Variants in ITCH observed in about 807,000 individuals in gnomAD.
ITCH encodes itchy E3 ubiquitin protein ligase, also known as E3 ubiquitin-protein ligase Itchy homolog.
A neutral mutation model predicts 126.8 loss-of-function variants in ITCH; 28 were observed. The observed-to-expected ratio is 0.22, with a 90% CI of 0.16 to 0.30. ITCH has a LOEUF of 0.30. Ranked by LOEUF, ITCH falls within the 10% of genes least tolerant of loss-of-function variation. The pLI is 1.00. For synonymous variants in ITCH, 342 were observed against 340.0 expected (o/e 1.01, Z -0.06); for missense variants, 631 against 1,032.4 (o/e 0.61, Z 5.33).
chr20:34,409,816 C>T (rs1978724109), intron 4 of ITCH, among the ~76,000 whole-genome samples: 1 of 152,030 alleles, frequency 6.6e-6, no homozygotes, highest in Non-Finnish European at 1.5e-5. Context: ...GCATTATAAT[C>T]TAAGATATTG....
chr20:34,494,339 T>C (rs1989718053), intron 23 of ITCH, among the ~76,000 whole-genome samples: 1 of 152,134 alleles, frequency 6.6e-6, no homozygotes, highest in African/African-American at 2.4e-5. Context: ...AGAAGGAATT[T>C]TTTTCTTCAG....
chr20:34,492,273 A>G (rs960617804), intron 22 of ITCH, among the ~76,000 whole-genome samples: 1 of 152,156 alleles, frequency 6.6e-6, no homozygotes, highest in African/African-American at 2.4e-5. Context: ...GCTTGCTCCT[A>G]TAGTCCCAGC....
In ITCH at chr20:34,455,770, G is replaced by A. The variant is rs372938494; in HGVS notation, c.1211-1620G>A. The stretch of plus-strand genomic sequence containing the variant: ...TAGAATTACAGGCATGAGCTACTGC[G>A]CCCGGCCAATATCCACATCTTCTAA... On this transcript the variant is annotated intron_variant, in intron 12 of 24. Coordinates refer to ENST00000374864, the MANE Select transcript of ITCH (RefSeq NM_031483.7). Among the ~76,000 whole-genome samples the A allele has an allele frequency of 2.6e-5, 4 of 151,828 alleles. No individual in the cohort carries two copies. The East Asian group carries it at 7.7e-4, about 29-fold the overall frequency.
At chr20:34,471,674 GT>G (rs1245476380) in intron 16 of ITCH, among the ~76,000 whole-genome samples, 159 bp downstream of exon 16, 2 of 11,354 alleles carry the variant, frequency 1.8e-4, no homozygotes, top group Admixed American at 3.9e-4. Context: ...GGCTTAAGGG[GT>G]GTGTGTGTGT....
chr20:34,417,400 C>CTT (rs1285064114), intron 6 of ITCH, among the ~76,000 whole-genome samples: 13 of 115,050 alleles, frequency 1.1e-4, no homozygotes, highest in African/African-American at 1.3e-4. Flanking sequence ...GCCCGGCTGA[C>CTT]TTTTTTTTTT....
At chr20:34,424,820 T>C (rs1981277259) in intron 7 of ITCH, among the ~76,000 whole-genome samples, 1 of 152,210 alleles carries the variant, frequency 6.6e-6, no homozygotes, top group Admixed American at 6.5e-5. Context: ...ATCATTGGGC[T>C]GTTAAGTTTC....
At chr20:34,415,381 A>G (rs961035225) in intron 6 of ITCH, among the ~76,000 whole-genome samples, 1 of 151,894 alleles carries the variant, frequency 6.6e-6, no homozygotes, top group Admixed American at 6.6e-5. Context: ...CAACATAACA[A>G]AACCCCATCT....
chr20:34,371,182 A>C (rs1391832511), intron 2 of ITCH, among the ~76,000 whole-genome samples: 2 of 151,750 alleles, frequency 1.3e-5, no homozygotes, highest in African/African-American at 4.8e-5. Flanking sequence ...AAAAAAAAAA[A>C]AAAACTGAAT....
chr20:34,424,725 A>ACG lies in ITCH; in HGVS notation c.521+201_521+202insGC, dbSNP rs1981263912. ...AGCTATCTGGAGTGGGCTAGGGATA[A>ACG]CCAAATTGTTGATACTTCTTCAGCT... is the stretch of plus-strand genomic sequence containing the variant. On this transcript the variant is annotated intron_variant, in intron 7 of 24. Coordinates refer to ENST00000374864, the MANE Select transcript of ITCH (RefSeq NM_031483.7). Among the ~76,000 whole-genome samples the ACG allele has an allele frequency of 2.0e-5, 3 of 151,748 alleles. No individual in the cohort carries two copies. The South Asian group carries it at 6.2e-4, about 31-fold the overall frequency.
At chr20:34,365,042 A>T (rs1728060737) in intron 1 of ITCH, among the ~76,000 whole-genome samples, 1 of 152,042 alleles carries the variant, frequency 6.6e-6, no homozygotes, top group Admixed American at 6.6e-5. Flanking sequence ...TCTACAAAAA[A>T]TACAAAGATT....
chr20:34,442,368 T>A (rs1438322934), intron 10 of ITCH, 65 bp downstream of exon 10: 1 of 1,140,158 alleles, frequency 8.8e-7, no homozygotes, highest in African/African-American at 1.5e-5. Flanking sequence ...AACTGTATAA[T>A]CTTCCCTACA....
intron 2 of ITCH, among the ~76,000 whole-genome samples, chr20:34,371,858 C>T (rs1425812814): frequency 6.6e-6 from 1 of 152,024 alleles, no homozygotes; most frequent in Non-Finnish European, 1.5e-5. Flanking sequence ...TCTCCCTGGG[C>T]CTGGTTTCCT....
At chr20:34,383,836 CTTTT>C (rs745864966) in intron 2 of ITCH, among the ~76,000 whole-genome samples, 1 of 68,670 alleles carries the variant, frequency 1.5e-5, no homozygotes, top group Non-Finnish European at 2.9e-5. Context: ...GTCTGTAATT[CTTTT>C]TTTTTTTTTT....
chr20:34,454,199 G>A (rs1380089932), intron 12 of ITCH, among the ~76,000 whole-genome samples: 4 of 148,146 alleles, frequency 2.7e-5, no homozygotes, highest in African/African-American at 7.4e-5. Flanking sequence ...GTGCAGTGGC[G>A]CGATCTCGGC....
At chr20:34,443,741 T>C (rs1457565148) in intron 10 of ITCH, among the ~76,000 whole-genome samples, 1 of 152,006 alleles carries the variant, frequency 6.6e-6, no homozygotes, top group East Asian at 1.9e-4. Flanking sequence ...TCCTAGCACT[T>C]TGGGGGGACA....
chr20:34,479,272 A>G (rs1471168330), intron 17 of ITCH, among the ~76,000 whole-genome samples: 6 of 152,220 alleles, frequency 3.9e-5, no homozygotes, highest in East Asian at 3.8e-4. Context: ...AAATTTGCCT[A>G]TGAATAGTAT....
At chr20:34,393,904 GCTTTA>G (rs1267435434) in intron 3 of ITCH, 23 bp downstream of exon 3, 2 of 1,600,246 alleles carry the variant, frequency 1.2e-6, no homozygotes, top group East Asian at 4.5e-5. Context: ...AACATCGGCT[GCTTTA>G]CTTTATTTTT....
At chr20:34,380,595 T>G (rs2038020247) in intron 2 of ITCH, among the ~76,000 whole-genome samples, 1 of 150,594 alleles carries the variant, frequency 6.6e-6, no homozygotes, top group Admixed American at 6.7e-5. Flanking sequence ...TTCCATTTTC[T>G]TAATGATGTC....
chr20:34,500,723 T>A (rs991859965), intron 23 of ITCH, among the ~76,000 whole-genome samples: 3 of 152,218 alleles, frequency 2.0e-5, no homozygotes, highest in Non-Finnish European at 2.9e-5. Flanking sequence ...AATTACTTTC[T>A]GGTTGCTTTA....
Sources: gnomAD v4.1 joint callset for allele counts (sites outside exome capture counted in the v4.1 genomes callset) on GRCh38, gnomAD v4.1.1 for gene constraint, MANE v1.5 for transcripts, NCBI Gene and HGNC (gene_info 2026-07-23, HGNC 2026-07-21) for gene names.